The following REM2 variants were observed in gnomAD, a reference collection of about 807,000 sequenced individuals.
REM2 encodes GTP-binding protein REM 2.
REM2 carries 24 observed loss-of-function variants against 24.4 expected under a neutral mutation model. The observed-to-expected ratio is 0.98, with a 90% confidence interval of 0.71 to 1.38. The LOEUF (loss-of-function observed/expected upper bound fraction) is 1.38, where lower values mean the gene tolerates loss of function less well. REM2 is among the 40% of genes most tolerant of loss of function. The pLI, the probability that REM2 is intolerant of heterozygous loss-of-function variation, is 0.00. For synonymous variants in REM2, 187 were observed against 198.0 expected (o/e 0.94, Z 0.47); for missense variants, 429 against 467.8 (o/e 0.92, Z 0.77).
chr14:22,884,274 G>A (rs1445754130), intron 1 of REM2: 1 of 985,416 alleles, frequency 1.0e-6, no homozygotes, highest in Non-Finnish European at 1.2e-6. Flanking sequence ...ACAGGAGGAG[G>A]AAGGGCCTCT....
In REM2 at chr14:22,886,207, C is replaced by T; in HGVS notation, c.703C>T (p.Arg235Cys). 1.2e-6 allele frequency: 2 copies of T among 1,613,372 alleles called. No homozygotes were observed. Among genetic ancestry groups the T allele is most frequent in the Non-Finnish European group, 1.7e-6 (2 of 1,179,650 alleles). Residue 235 changes from arginine (R) to cysteine (C), a missense_variant, in exon 4 of 5, where the codon CGC becomes TGC. By Grantham distance (180) the Arg-to-Cys change is radical (BLOSUM62 -3). Transcript: ENST00000267396. This position sits in a 1 kb window ranked among gnomAD's most constrained non-coding sequence, Gnocchi z 5.9. ...CGTTGGAAACAAGAGCGACTTGGCC[C>T]GCTCCCGGGAGGTATCACTGGAGGG... ...ILVGNKSDLARSREVSLEEGR... is the reference protein window; with the variant it reads ...ILVGNKSDLACSREVSLEEGR...
intron 1 of REM2, chr14:22,884,404 A>C: frequency 1.0e-6 from 1 of 985,462 alleles, no homozygotes; most frequent in Non-Finnish European, 1.2e-6. Flanking sequence ...GTGAGCCTGC[A>C]TTCAGGTCCC....
intron 1 of REM2, chr14:22,884,169 T>C (rs1039026689): frequency 2.0e-6 from 2 of 985,120 alleles, no homozygotes; most frequent in African/African-American, 3.5e-5. Flanking sequence ...ACTACAAAGT[T>C]TTTTACTCTG....
rs72363604 is a variant in REM2 at position 22,883,255 on chromosome 14, T to TGCACAC, written c.-8_-3dup. 176 of 1,166,514 alleles carry TGCACAC rather than the reference T, an allele frequency of 1.5e-4. No individual in the cohort carries two copies. The highest frequency in any genetic ancestry group is 3.4e-4 in the Admixed American group (17 of 50,216). 72.3% of individuals were successfully genotyped at this position (1,166,514 alleles called of 1,614,324 possible). On this transcript the variant is annotated 5_prime_UTR_variant, in exon 1 of 5. Coordinates refer to ENST00000267396, the MANE Select transcript of REM2 (RefSeq NM_173527.3). ...GAGAGGGTGCTGCGAGCTGCTGGGC[T>TGCACAC]GCACACGCACACGCACACGCACACG...
intron 3 of REM2, 139 bp downstream of exon 3, chr14:22,885,478 C>T: frequency 3.0e-6 from 2 of 675,234 alleles, no homozygotes; most frequent in South Asian, 3.5e-5. Flanking sequence ...CATATCACCT[C>T]AGAAAGCAAA....
In REM2 at chr14:22,886,704, C is replaced by T; in HGVS notation, c.818C>T (p.Ala273Val). ...AACACGAGGGAGCTCTTCGAGGGCG[C>T]GGTGCGCCAGATCCGGCTGCGGCGG... is the stretch of plus-strand genomic sequence containing the variant. ...HHNTRELFEG[A>V]VRQIRLRRGR... Residue 273 changes from alanine (A) to valine (V), a missense_variant, in exon 5 of 5, where the codon GCG becomes GTG. Transcript: ENST00000267396. The surrounding 1 kb of genome is among the most constrained non-coding windows in gnomAD (Gnocchi z 5.9). 2 of 1,506,620 alleles carry T rather than the reference C, an allele frequency of 1.3e-6. No individual in the cohort carries two copies. Among genetic ancestry groups the T allele is most frequent in the Non-Finnish European group, 1.8e-6 (2 of 1,128,990 alleles). 93.3% of individuals were successfully genotyped at this position (1,506,620 alleles called of 1,614,324 possible). A position where few individuals can be genotyped will look rare whatever the true frequency, so the allele number is the denominator to read the frequency against.
Position 22,886,480 on chromosome 14 carries a change from C to A in REM2, c.728-134C>A. Reference sequence around the variant, plus strand: ...CCTCCACAGACCCACCATATGAGCTCAGCCATGTTCTCTCGGTTGCAAGAT... The same window carrying A: ...CCTCCACAGACCCACCATATGAGCTAAGCCATGTTCTCTCGGTTGCAAGAT... On this transcript the variant is annotated intron_variant, in intron 4 of 4. Transcript: ENST00000267396. This position sits in a 1 kb window ranked among gnomAD's most constrained non-coding sequence, Gnocchi z 5.9. 1 of 864,538 alleles carries A rather than the reference C, an allele frequency of 1.2e-6. No homozygotes were observed. The highest frequency in any genetic ancestry group is 1.7e-6 in the Non-Finnish European group (1 of 577,428). 53.6% of individuals were successfully genotyped at this position (864,538 alleles called of 1,614,324 possible).
Position 22,884,957 on chromosome 14 carries a change from C to T in REM2, c.387C>T (p.Thr129=). 1.9e-6 allele frequency: 3 copies of T among 1,580,172 alleles called. No homozygotes were observed. The highest frequency in any genetic ancestry group is 2.6e-6 in the Non-Finnish European group (3 of 1,160,594). The change falls in exon 2 of 5, where the codon ACC becomes ACT. Residue 129 remains threonine (T), a synonymous_variant. Coordinates refer to ENST00000267396, the MANE Select transcript of REM2 (RefSeq NM_173527.3). ...LVGESGVGKS[T]LAGTFGGLQG... ...GGGAGAGCGGCGTGGGCAAGAGCAC[C>T]CTAGCAGGCACTTTTGGTGGTCTCC...
rs2040141385 is a variant in REM2, at chr14:22,887,395, G to GT, written c.*486_*487insT. On this transcript the variant is annotated 3_prime_UTR_variant, in exon 5 of 5. Transcript: ENST00000267396. Reference sequence around the variant, plus strand: ...TAAAGACACGAAAACACTTCCTCCAGGGACCTTCCCGAAAACGTTCTGGCT... The same window carrying GT: ...TAAAGACACGAAAACACTTCCTCCAGTGGACCTTCCCGAAAACGTTCTGGCT... The GT allele has an allele frequency of 6.6e-6, 1 of 152,256 alleles. No individual in the cohort carries two copies. The highest frequency in any genetic ancestry group is 6.5e-5 in the Admixed American group (1 of 15,282). 9.4% of individuals were successfully genotyped at this position (152,256 alleles called of 1,614,324 possible). A position where few individuals can be genotyped will look rare whatever the true frequency, so the allele number is the denominator to read the frequency against.
intron 3 of REM2, 69 bp from the exon 4 acceptor site, chr14:22,885,955 C>T: frequency 2.2e-6 from 3 of 1,334,846 alleles, no homozygotes; most frequent in Non-Finnish European, 2.2e-6. Context: ...TGTTCCTCCT[C>T]TTTGAGGTGT....
chr14:22,886,163 A>G lies in REM2; in HGVS notation c.659A>G (p.His220Arg). ...LLRLRAGRPH[H>R]DLPVILVGNK... is the part of the protein sequence containing the mutation. ...CGGCTCCGGGCTGGGAGGCCGCACC[A>G]CGACCTACCCGTTATCCTCGTTGGA... Residue 220 changes from histidine (H) to arginine (R), a missense_variant, in exon 4 of 5, where the codon CAC becomes CGC. Physicochemically the swap from His to Arg is conservative, Grantham distance 29 (BLOSUM62 0). Coordinates refer to ENST00000267396, the MANE Select transcript of REM2 (RefSeq NM_173527.3). The surrounding 1 kb of genome is among the most constrained non-coding windows in gnomAD (Gnocchi z 5.9). 1 of 1,613,894 alleles carries G rather than the reference A, an allele frequency of 6.2e-7. No individual in the cohort carries two copies. The highest frequency in any genetic ancestry group is 8.5e-7 in the Non-Finnish European group (1 of 1,179,854).
rs377287826 is a variant in REM2 at position 22,883,313 on chromosome 14, T to C, written c.26T>C (p.Met9Thr). The C allele has an allele frequency of 5.5e-5, 86 of 1,559,090 alleles. No individual in the cohort carries two copies. The highest frequency in any genetic ancestry group is 7.3e-5 in the Non-Finnish European group (84 of 1,151,574). ...ATGCACACGGACCTGGACACAGACA[T>C]GGACATGGACACAGAAACCACAGCA... MHTDLDTD[M>T]DMDTETTALC... is the part of the protein sequence containing the mutation. Residue 9 changes from methionine to threonine, a missense_variant, in exon 1 of 5, where the codon ATG (methionine) becomes ACG (threonine). Physicochemically the swap from Met to Thr is moderately conservative, Grantham distance 81. Coordinates refer to ENST00000267396, the MANE Select transcript of REM2 (RefSeq NM_173527.3).
At position 22,886,993 on chromosome 14, in the gene REM2, G is replaced by T; in HGVS notation, c.*84G>T. 8.0e-7 allele frequency: 1 copy of T among 1,242,850 alleles called. No homozygotes were observed. The highest frequency in any genetic ancestry group is 1.1e-6 in the Non-Finnish European group (1 of 942,444). The allele number at this position is 1,242,850 out of a possible 1,614,324, so 77.0% of individuals were successfully genotyped here. A position where few individuals can be genotyped will look rare whatever the true frequency, so the allele number is the denominator to read the frequency against. ...CCTCGCCCCGCCCCGCCCCCGTCCG[G>T]CTTCCTTGGTGGAGGCCGTCTAGGA... is the stretch of plus-strand genomic sequence containing the variant. On this transcript the variant is annotated 3_prime_UTR_variant, in exon 5 of 5. Transcript: ENST00000267396. This position sits in a 1 kb window ranked among gnomAD's most constrained non-coding sequence, Gnocchi z 5.9.
In REM2 at chr14:22,887,389, C is replaced by A. The variant is rs1472933346; in HGVS notation, c.*480C>A. On this transcript the variant is annotated 3_prime_UTR_variant, in exon 5 of 5. Coordinates refer to ENST00000267396, the MANE Select transcript of REM2 (RefSeq NM_173527.3). ...TAAAGGTAAAGACACGAAAACACTTCCTCCAGGGACCTTCCCGAAAACGTT... is the reference window on the plus strand; with the variant it reads ...TAAAGGTAAAGACACGAAAACACTTACTCCAGGGACCTTCCCGAAAACGTT... The A allele has an allele frequency of 6.6e-6, 1 of 152,266 alleles. No homozygotes were observed. Among genetic ancestry groups the A allele is most frequent in the Non-Finnish European group, 1.5e-5 (1 of 68,132 alleles). The allele number at this position is 152,266 out of a possible 1,614,324, so 9.4% of individuals were successfully genotyped here.
In REM2 at chr14:22,886,697, G is replaced by C; in HGVS notation, c.811G>C (p.Glu271Gln). The C allele has an allele frequency of 2.0e-6, 3 of 1,503,980 alleles. No homozygotes were observed. The highest frequency in any genetic ancestry group is 1.4e-5 in the African/African-American group (1 of 70,576). The allele number at this position is 1,503,980 out of a possible 1,614,324, so 93.2% of individuals were successfully genotyped here. A position where few individuals can be genotyped will look rare whatever the true frequency, so the allele number is the denominator to read the frequency against. Reference protein sequence around the residue: ...ALHHNTRELFEGAVRQIRLRR... With the variant: ...ALHHNTRELFQGAVRQIRLRR... ...GCACCACAACACGAGGGAGCTCTTC[G>C]AGGGCGCGGTGCGCCAGATCCGGCT... The change falls in exon 5 of 5, where the codon GAG (glutamate) becomes CAG (glutamine). Residue 271 changes from glutamate to glutamine, a missense_variant. Physicochemically the swap from Glu to Gln is conservative, Grantham distance 29. Transcript: ENST00000267396. This position sits in a 1 kb window ranked among gnomAD's most constrained non-coding sequence, Gnocchi z 5.9.
At chr14:22,884,551 A>G in intron 1 of REM2, 123 bp from the exon 2 acceptor site, 2 of 1,446,058 alleles carry the variant, frequency 1.4e-6, no homozygotes, top group South Asian at 1.5e-5. Context: ...CTTCTGGGTA[A>G]TGGTCATCAA....
In REM2 at chr14:22,884,974, G is replaced by A. The variant is rs1231575584; in HGVS notation, c.404G>A (p.Gly135Asp). The A allele has an allele frequency of 1.9e-6, 3 of 1,566,426 alleles. No individual in the cohort carries two copies. Among genetic ancestry groups the A allele is most frequent in the South Asian group, 1.2e-5 (1 of 84,356 alleles). ...AAGAGCACCCTAGCAGGCACTTTTG[G>A]TGGTCTCCAGGGAGACAGTGCTCAC... ...VGKSTLAGTF[G>D]GLQGDSAHEP... Residue 135 changes from glycine (G) to aspartate (D), a missense_variant, in exon 2 of 5, where the codon GGT becomes GAT. Physicochemically the swap from Gly to Asp is moderately conservative, Grantham distance 94 (BLOSUM62 -1). Coordinates refer to ENST00000267396, the MANE Select transcript of REM2 (RefSeq NM_173527.3).
At chr14:22,885,401 G>C (rs935064688) in intron 3 of REM2, 62 bp downstream of exon 3, 2 of 1,303,078 alleles carry the variant, frequency 1.5e-6, no homozygotes, top group African/African-American at 2.9e-5. Flanking sequence ...GAAGGGCAAA[G>C]TCTGGCTGAA....
chr14:22,884,550 A>G, intron 1 of REM2, 124 bp from the exon 2 acceptor site: 1 of 1,445,732 alleles, frequency 6.9e-7, no homozygotes, highest in African/African-American at 1.4e-5. Flanking sequence ...CCTTCTGGGT[A>G]ATGGTCATCA....
Sources: gnomAD v4.1 joint callset for allele counts on GRCh38, gnomAD v4.1.1 for gene constraint, Gnocchi (gnomAD v3.1) non-coding constraint, MANE v1.5 for transcripts, NCBI Gene and HGNC (gene_info 2026-07-23, HGNC 2026-07-21) for gene names.